The following TRAP1 variants were observed in gnomAD, a reference collection of about 807,000 sequenced individuals.
The protein encoded by TRAP1 is TNF receptor associated protein 1.
Under a neutral mutation model 89.1 loss-of-function variants are expected in TRAP1, and 102 were observed. The ratio of observed to expected loss-of-function variants is 1.15; its 90% CI spans 0.98 to 1.35. The LOEUF (loss-of-function observed/expected upper bound fraction) is 1.35. TRAP1 is among the 40% of genes most tolerant of loss of function. The probability of loss-of-function intolerance (pLI) is 0.00; values close to 1 mark genes in which losing one functional copy is unlikely to be tolerated. For synonymous variants in TRAP1, 508 were observed against 388.0 expected (o/e 1.31, Z -3.64); for missense variants, 1,256 against 945.3 (o/e 1.33, Z -4.31).
At chr16:3,681,378 C>T (rs1208805653) in intron 4 of TRAP1, among the ~76,000 whole-genome samples, 2 of 152,188 alleles carry the variant, frequency 1.3e-5, no homozygotes, top group Non-Finnish European at 2.9e-5. Context: ...AAGCAGCAGG[C>T]CAGGGAGACT....
intron 1 of TRAP1, among the ~76,000 whole-genome samples, chr16:3,717,115 C>A (rs1021292249): frequency 2.0e-5 from 3 of 152,256 alleles, no homozygotes; most frequent in African/African-American, 7.2e-5. Context: ...CGCTACCTGA[C>A]TGGACCGAAG....
intron 1 of TRAP1, among the ~76,000 whole-genome samples, chr16:3,709,641 G>T (rs945686514): frequency 6.7e-6 from 1 of 149,376 alleles, no homozygotes; most frequent in Non-Finnish European, 1.5e-5. Context: ...GTTTACCTTT[G>T]TTTCCCTTTT....
At position 3,678,238 on chromosome 16, in the gene TRAP1, G is replaced by A. The variant is rs117800534; in HGVS notation, c.544-580C>T. ...TGGAACTTTCTCCAACAACAGGAAC[G>A]TTCTGCCAGGTGCAATGCGACAGCC... On this transcript the variant is annotated intron_variant, in intron 5 of 17. Coordinates refer to ENST00000246957, the MANE Select transcript of TRAP1 (RefSeq NM_016292.3). 3.2e-3 allele frequency: 487 copies of A among 152,780 alleles called. 2 individuals are homozygous for A. The highest frequency in any genetic ancestry group is 5.0e-3 in the Non-Finnish European group (341 of 68,390). The allele number at this position is 152,780 out of a possible 1,614,324, so 9.5% of individuals were successfully genotyped here.
intron 11 of TRAP1, among the ~76,000 whole-genome samples, chr16:3,667,210 C>A (rs191477791): frequency 6.6e-6 from 1 of 152,114 alleles, no homozygotes; most frequent in East Asian, 1.9e-4. Flanking sequence ...AGGCTGGGGG[C>A]GTGACCAGCC....
chr16:3,675,936 C>CTCTA (rs1193544372), intron 7 of TRAP1, 100 bp downstream of exon 7: 27 of 1,064,382 alleles, frequency 2.5e-5, no homozygotes, highest in Non-Finnish European at 3.4e-5. Flanking sequence ...TGCCTGTGCA[C>CTCTA]CCTACGTGCA....
chr16:3,696,303 T>C (rs1439707077), intron 1 of TRAP1, among the ~76,000 whole-genome samples: 2 of 152,120 alleles, frequency 1.3e-5, no homozygotes, highest in Non-Finnish European at 2.9e-5. Context: ...GGACGGGGTG[T>C]GTCAGGAGAA....
chr16:3,712,919 T>C (rs2051551135), intron 1 of TRAP1, among the ~76,000 whole-genome samples: 1 of 152,112 alleles, frequency 6.6e-6, no homozygotes, highest in Non-Finnish European at 1.5e-5. Context: ...CCCGGCCTGA[T>C]GTGTTCTTTT....
chr16:3,679,327 A>G (rs2051043140), intron 5 of TRAP1, among the ~76,000 whole-genome samples: 1 of 152,184 alleles, frequency 6.6e-6, no homozygotes, highest in Admixed American at 6.5e-5. Context: ...AATAAAAAAC[A>G]ACACAATGAT....
At chr16:3,680,695 G>A (rs1342082822) in intron 4 of TRAP1, among the ~76,000 whole-genome samples, 2 of 152,190 alleles carry the variant, frequency 1.3e-5, no homozygotes, top group African/African-American at 4.8e-5. Context: ...TAAGACCTAA[G>A]TCCCAAGGGG....
Position 3,658,086 on chromosome 16 carries a change from G to A in TRAP1, c.*43C>T, listed in dbSNP as rs1316345038. ...TTAGGTAAATAAAGCTCAAGGAGGT[G>A]GGGCTGTCATCTGTGGTGTCAGTCC... On this transcript the variant is annotated 3_prime_UTR_variant, in exon 18 of 18. Transcript: ENST00000246957. 17 of 1,609,592 alleles carry A rather than the reference G, an allele frequency of 1.1e-5. No individual in the cohort carries two copies. The highest frequency in any genetic ancestry group is 5.0e-5 in the Admixed American group (3 of 59,870).
At chr16:3,677,371 G>A (rs2051012619) in intron 6 of TRAP1, 127 bp downstream of exon 6, 1 of 1,290,674 alleles carries the variant, frequency 7.7e-7, no homozygotes, top group South Asian at 1.4e-5. Flanking sequence ...AAATGGGAGA[G>A]TCAGATTTCA....
Position 3,662,020 on chromosome 16 carries a change from T to C in TRAP1, c.1907A>G (p.Gln636Arg). 1 of 1,612,210 alleles carries C rather than the reference T, an allele frequency of 6.2e-7. No individual in the cohort carries two copies. The highest frequency in any genetic ancestry group is 2.2e-5 in the East Asian group (1 of 44,792). Residue 636 changes from glutamine (Q) to arginine (R), a missense_variant, in exon 16 of 18, where the codon CAG becomes CGG. By Grantham distance (43) the Gln-to-Arg change is conservative. Coordinates refer to ENST00000246957, the MANE Select transcript of TRAP1 (RefSeq NM_016292.3). Reference protein sequence around the residue: ...QLAKTQEERAQLLQPTLEINP... With the variant: ...QLAKTQEERARLLQPTLEINP... ...GATCTCCAGCGTGGGCTGCAGGAGCTGTGCGCGCTCCTCCTGGGTCTTGGC... is the reference window on the plus strand; with the variant it reads ...GATCTCCAGCGTGGGCTGCAGGAGCCGTGCGCGCTCCTCCTGGGTCTTGGC...
chr16:3,672,379 G>C (rs1390557652), intron 10 of TRAP1, among the ~76,000 whole-genome samples: 1 of 152,118 alleles, frequency 6.6e-6, no homozygotes, highest in African/African-American at 2.4e-5. Context: ...GTGTACCAAG[G>C]CTTAAATACT....
At chr16:3,665,783 G>C (rs1172562071) in intron 12 of TRAP1, among the ~76,000 whole-genome samples, 188 bp downstream of exon 12, 1 of 152,222 alleles carries the variant, frequency 6.6e-6, no homozygotes. Context: ...GGGAGGGTAA[G>C]GATGTGCCTG....
chr16:3,698,997 A>C (rs751812629), intron 1 of TRAP1, among the ~76,000 whole-genome samples: 1 of 152,094 alleles, frequency 6.6e-6, no homozygotes, highest in African/African-American at 2.4e-5. Context: ...TTTCTCCTAC[A>C]CCCTAAAGGA....
chr16:3,679,563 G>A lies in TRAP1; in HGVS notation c.543+156C>T, dbSNP rs199842135. ...AGGGACCAACCCCCAGATACTGAGG[G>A]ATGGCTGTCATGTCATGAGGTGTTC... On this transcript the variant is annotated intron_variant, in intron 5 of 17. Coordinates refer to ENST00000246957, the MANE Select transcript of TRAP1 (RefSeq NM_016292.3). Among the ~76,000 whole-genome samples the A allele has an allele frequency of 2.6e-4, 40 of 152,256 alleles. No homozygotes were observed. In the East Asian group the frequency reaches 6.4e-3, roughly 24 times the overall value.
chr16:3,705,088 G>C (rs544124220), intron 1 of TRAP1, among the ~76,000 whole-genome samples: 1 of 151,528 alleles, frequency 6.6e-6, no homozygotes, highest in African/African-American at 2.4e-5. Flanking sequence ...TTTTTGAGAC[G>C]GAGTCTCGCT....
rs765388146 is a variant in TRAP1 at position 3,690,952 on chromosome 16, G to T, written c.122C>A (p.Ala41Asp). ...KPILCPRRTTAQLGPRRNPAW... is the reference protein window; with the variant it reads ...KPILCPRRTTDQLGPRRNPAW... ...TGGGTTTCGCCTGGGGCCCAACTGGGCTGTGGTCCTCCGAGGACACAGAAT... is the reference window on the plus strand; with the variant it reads ...TGGGTTTCGCCTGGGGCCCAACTGGTCTGTGGTCCTCCGAGGACACAGAAT... Residue 41 changes from alanine (A) to aspartate (D), a missense_variant, in exon 2 of 18, where the codon GCC (alanine) becomes GAC (aspartate). Physicochemically the swap from Ala to Asp is moderately radical, Grantham distance 126 (BLOSUM62 -2). Coordinates refer to ENST00000246957, the MANE Select transcript of TRAP1 (RefSeq NM_016292.3). The T allele has an allele frequency of 6.4e-7, 1 of 1,570,434 alleles. No homozygotes were observed. The highest frequency in any genetic ancestry group is 2.4e-5 in the East Asian group (1 of 42,070).
At chr16:3,703,458 G>C (rs569448490) in intron 1 of TRAP1, among the ~76,000 whole-genome samples, 156 of 152,026 alleles carry the variant, frequency 1.0e-3, no homozygotes, top group Non-Finnish European at 1.4e-3. Context: ...ACTAGAGGTA[G>C]AACAGCGGTT....
Sources: allele counts gnomAD v4.1 joint callset (sites outside exome capture counted in the v4.1 genomes callset), GRCh38; gene constraint gnomAD v4.1.1; transcripts MANE v1.5; gene names NCBI Gene and HGNC (gene_info 2026-07-23, HGNC 2026-07-21).